The following THSD4 variants were observed in gnomAD, a reference collection of about 807,000 sequenced individuals.
THSD4 encodes the protein thrombospondin type-1 domain-containing protein 4.
THSD4 carries 69 observed loss-of-function variants against 119.0 expected under a neutral mutation model. The observed-to-expected ratio is 0.58, with a 90% confidence interval of 0.48 to 0.71. The LOEUF is 0.71. THSD4 is among the 30% of genes least tolerant of loss of function. The pLI is 0.00. For missense variants in THSD4, 1,393 were observed against 1,391.1 expected (o/e 1.00, Z -0.02); for synonymous variants, 524 against 540.4 (o/e 0.97, Z 0.42).
intron 6 of THSD4, among the ~76,000 whole-genome samples, chr15:71,285,914 GTA>G (rs2044711729): frequency 6.9e-6 from 1 of 145,096 alleles, no homozygotes; most frequent in African/African-American, 2.5e-5. Context: ...AAAAATGTGC[GTA>G]GTTTCTTTAT....
chr15:71,199,705 T>TGTGATGCATGTGTG (rs1567154802), intron 3 of THSD4, among the ~76,000 whole-genome samples: 1 of 13,466 alleles, frequency 7.4e-5, no homozygotes, highest in African/African-American at 4.2e-4. Context: ...GTGTGGTGTC[T>TGTGATGCATGTGTG]GGGTGTGTGG....
intron 8 of THSD4, among the ~76,000 whole-genome samples, chr15:71,674,805 C>T (rs1212343616): frequency 2.0e-5 from 3 of 151,974 alleles, no homozygotes; most frequent in Non-Finnish European, 4.4e-5. Context: ...TCGATAGAGG[C>T]CAGGGATGCT....
chr15:71,256,485 A>AAAAT (rs1555458340), intron 5 of THSD4, 128 bp from the exon 6 acceptor site: 3 of 597,106 alleles, frequency 5.0e-6, no homozygotes, highest in African/African-American at 2.0e-5. Flanking sequence ...CAAAAAAAAA[A>AAAAT]AAATAAATAA....
intron 7 of THSD4, among the ~76,000 whole-genome samples, chr15:71,552,918 G>A (rs965548520): frequency 2.0e-5 from 3 of 152,150 alleles, no homozygotes; most frequent in Non-Finnish European, 2.9e-5. Context: ...ATAGGCATGA[G>A]CCACCGCACC....
At chr15:71,547,911 C>CTTTTT (rs33983525) in intron 7 of THSD4, 1 of 149,222 alleles carries the variant, frequency 6.7e-6, no homozygotes, top group Non-Finnish European at 1.5e-5. Flanking sequence ...ACACTTCTCT[C>CTTTTT]TTTTTTTTTT....
At chr15:71,297,452 C>T (rs2044881797) in intron 6 of THSD4, among the ~76,000 whole-genome samples, 1 of 152,066 alleles carries the variant, frequency 6.6e-6, no homozygotes, top group African/African-American at 2.4e-5. Flanking sequence ...TCTCCTGCCC[C>T]AGCCTCCTGA....
upstream of THSD4, chr15:71,111,632 GA>G: frequency 3.4e-6 from 2 of 579,712 alleles, no homozygotes; most frequent in East Asian, 5.7e-5. Context: ...TTACAACCAG[GA>G]AAATGAAAGG....
chr15:71,671,966 G>A (rs866845504), intron 8 of THSD4, among the ~76,000 whole-genome samples: 3 of 152,098 alleles, frequency 2.0e-5, no homozygotes, highest in Middle Eastern at 3.2e-3. Context: ...TTGGCAATGC[G>A]GGCTCTTTTT....
chr15:71,375,756 C>T (rs1373736223), intron 6 of THSD4, among the ~76,000 whole-genome samples: 1 of 152,158 alleles, frequency 6.6e-6, no homozygotes, highest in Non-Finnish European at 1.5e-5. Flanking sequence ...TCAGCATCAC[C>T]TGGGAACTTG....
At chr15:71,749,762 C>G (rs1211153537) in intron 14 of THSD4, among the ~76,000 whole-genome samples, 1 of 137,574 alleles carries the variant, frequency 7.3e-6, no homozygotes, top group East Asian at 2.2e-4. Context: ...TTCTATTGCC[C>G]GGGCTGGAGT....
At chr15:71,201,823 G>C (rs2043805684) in intron 3 of THSD4, among the ~76,000 whole-genome samples, 1 of 152,196 alleles carries the variant, frequency 6.6e-6, no homozygotes, top group Non-Finnish European at 1.5e-5. Context: ...CCTTTCTGCT[G>C]TACATATGGT....
chr15:71,480,172 G>A (rs186666932), intron 7 of THSD4, among the ~76,000 whole-genome samples: 1 of 152,272 alleles, frequency 6.6e-6, no homozygotes, highest in African/African-American at 2.4e-5. Flanking sequence ...AAGTAGCTGG[G>A]ACCACAGGCA....
chr15:71,742,879 AC>A, intron 11 of THSD4, among the ~76,000 whole-genome samples: 1 of 152,106 alleles, frequency 6.6e-6, no homozygotes, highest in East Asian at 1.9e-4. Context: ...ACACGGCAAA[AC>A]CCCATCTCTA....
chr15:71,748,715 A>G, intron 14 of THSD4, 121 bp downstream of exon 14: 2 of 1,273,822 alleles, frequency 1.6e-6, no homozygotes, highest in Non-Finnish European at 2.1e-6. Context: ...GGGGGAAAAA[A>G]AAGGCCCAGA....
intron 7 of THSD4, among the ~76,000 whole-genome samples, chr15:71,484,554 C>T (rs1438658227): frequency 6.6e-6 from 1 of 152,218 alleles, no homozygotes; most frequent in African/African-American, 2.4e-5. Flanking sequence ...AGCTCCTCTT[C>T]TTCCTCATCA....
rs142650193 is a variant in THSD4, at chr15:71,367,292, T to A, written c.1016-44395T>A. Among the ~76,000 whole-genome samples, 434 of 152,074 alleles carry A rather than the reference T, an allele frequency of 2.9e-3. 1 individual carries two copies. Among genetic ancestry groups the A allele is most frequent in the African/African-American group, 0.01 (421 of 41,392 alleles). On this transcript the variant is annotated intron_variant, in intron 6 of 17. Transcript: ENST00000261862. ...TAAACTGATTACCACTATGCCATTC[T>A]TTTTTTTATTATTATTATACTTGAA...
intron 1 of THSD4, among the ~76,000 whole-genome samples, chr15:71,135,991 G>GTT (rs10540241): frequency 0.045 from 3,118 of 69,074 alleles, 265 homozygotes; most frequent in Middle Eastern, 0.067. Context: ...GTTTAGTTTA[G>GTT]TTTTTTTTTT....
chr15:71,299,137 GT>G (rs1254968317), intron 6 of THSD4, among the ~76,000 whole-genome samples: 1 of 152,206 alleles, frequency 6.6e-6, no homozygotes, highest in African/African-American at 2.4e-5. Context: ...TAACATGACT[GT>G]TGATGGTACT....
At chr15:71,409,431 G>A (rs918128156) in intron 6 of THSD4, among the ~76,000 whole-genome samples, 4 of 152,170 alleles carry the variant, frequency 2.6e-5, no homozygotes, top group Admixed American at 2.6e-4. Context: ...CAAGTTGTAG[G>A]AGATGAATTT....
Sources: gnomAD v4.1 joint callset for allele counts (sites outside exome capture counted in the v4.1 genomes callset) on GRCh38, gnomAD v4.1.1 for gene constraint, MANE v1.5 for transcripts, NCBI Gene and HGNC (gene_info 2026-07-23, HGNC 2026-07-21) for gene names.